ENTPD7: variants seen among roughly 807,000 people sequenced by gnomAD.
The protein encoded by ENTPD7 is ectonucleoside triphosphate diphosphohydrolase 7.
A neutral mutation model predicts 77.9 loss-of-function variants in ENTPD7; 53 were observed. That is an observed-to-expected ratio of 0.68 (90% CI 0.55 to 0.85). The LOEUF (loss-of-function observed/expected upper bound fraction) is 0.85. Ranked by LOEUF, ENTPD7 falls within the 40% of genes least tolerant of loss-of-function variation. The pLI is 0.00. For synonymous variants in ENTPD7, 248 were observed against 274.9 expected (o/e 0.90, Z 0.97); for missense variants, 636 against 743.7 (o/e 0.86, Z 1.68).
At chr10:99,701,177 G>A in intron 11 of ENTPD7, 119 bp downstream of exon 11, 2 of 956,214 alleles carry the variant, frequency 2.1e-6, no homozygotes, top group Non-Finnish European at 3.2e-6. Context: ...GATTATTCCA[G>A]ACTTGATTTT....
chr10:99,692,529 G>GAT (rs2035899939), intron 8 of ENTPD7, among the ~76,000 whole-genome samples: 1 of 50,682 alleles, frequency 2.0e-5, no homozygotes, highest in Admixed American at 2.6e-4. Flanking sequence ...ATGAGAGTAG[G>GAT]CTTTTTTTTT....
In ENTPD7 at chr10:99,659,843, T is replaced by C. The variant is rs2035454073; in HGVS notation, c.-95-19T>C. 4 of 1,492,558 alleles carry C rather than the reference T, an allele frequency of 2.7e-6. No individual in the cohort carries two copies. The highest frequency in any genetic ancestry group is 3.7e-6 in the Non-Finnish European group (4 of 1,085,890). The allele number at this position is 1,492,558 out of a possible 1,614,324, so 92.5% of individuals were successfully genotyped here. On this transcript the variant is annotated intron_variant, in intron 1 of 12. Coordinates refer to ENST00000370489, the MANE Select transcript of ENTPD7 (RefSeq NM_020354.5). This position sits in a 1 kb window ranked among gnomAD's most constrained non-coding sequence, Gnocchi z 4.1. ...TCGTGGGCTCAGTCGGACAGAAGCC[T>C]GAAATCAAATCTTTCTAGGCTGCAG...
chr10:99,678,527 ATAAT>A (rs1334548994), intron 3 of ENTPD7, among the ~76,000 whole-genome samples: 4 of 151,858 alleles, frequency 2.6e-5, no homozygotes, highest in African/African-American at 7.2e-5. Flanking sequence ...GTAGAAAAGA[ATAAT>A]TATTGTTTTT....
At chr10:99,678,405 G>A (rs959457139) in intron 3 of ENTPD7, among the ~76,000 whole-genome samples, 2 of 151,382 alleles carry the variant, frequency 1.3e-5, no homozygotes, top group African/African-American at 4.9e-5. Flanking sequence ...GAGGCGAAGC[G>A]TGCAGTGAGC....
intron 8 of ENTPD7, 137 bp from the exon 9 acceptor site, chr10:99,695,819 G>A: frequency 1.3e-6 from 1 of 746,432 alleles, no homozygotes; most frequent in East Asian, 2.9e-5. Flanking sequence ...TTAAAATAAT[G>A]CTATGAGGAT....
At chr10:99,691,123 A>C (rs548766249) in intron 7 of ENTPD7, among the ~76,000 whole-genome samples, 58 of 152,156 alleles carry the variant, frequency 3.8e-4, no homozygotes, top group Middle Eastern at 3.4e-3. Flanking sequence ...AGTAGCTGGG[A>C]CTACAGGTGT....
chr10:99,687,019 G>A (rs536083056), intron 6 of ENTPD7, among the ~76,000 whole-genome samples: 176 of 149,952 alleles, frequency 1.2e-3, no homozygotes, highest in Admixed American at 2.1e-3. Flanking sequence ...CTGGGTTCAA[G>A]CGATTCTCCT....
chr10:99,671,704 T>A (rs1310820717), intron 3 of ENTPD7, among the ~76,000 whole-genome samples: 1 of 152,278 alleles, frequency 6.6e-6, no homozygotes, highest in African/African-American at 2.4e-5. Flanking sequence ...TTCACATTCA[T>A]GTTTAATATT....
chr10:99,674,655 T>C (rs1428081253), intron 3 of ENTPD7, among the ~76,000 whole-genome samples: 1 of 152,262 alleles, frequency 6.6e-6, no homozygotes, highest in African/African-American at 2.4e-5. Flanking sequence ...CGGAATAATA[T>C]ATCATTGTAT....
intron 3 of ENTPD7, among the ~76,000 whole-genome samples, chr10:99,672,052 C>T (rs1435312191): frequency 2.0e-5 from 3 of 152,244 alleles, no homozygotes; most frequent in Non-Finnish European, 2.9e-5. Flanking sequence ...CATTTATTCA[C>T]GTTTATTTTA....
Position 99,679,888 on chromosome 10 carries a change from G to C in ENTPD7, c.548+13G>C, listed in dbSNP as rs375270704. On this transcript the variant is annotated intron_variant, in intron 5 of 12. Transcript: ENST00000370489. The stretch of plus-strand genomic sequence containing the variant: ...TTCTCCCTGAGAGGTGAGATGCAGG[G>C]TACAGGAAACACAGGAAAACGGTGG... 1 of 1,602,304 alleles carries C rather than the reference G, an allele frequency of 6.2e-7. No homozygotes were observed. Among genetic ancestry groups the C allele is most frequent in the Non-Finnish European group, 8.5e-7 (1 of 1,176,124 alleles).
chr10:99,678,397 G>A (rs1314329011), intron 3 of ENTPD7, among the ~76,000 whole-genome samples: 1 of 151,880 alleles, frequency 6.6e-6, no homozygotes, highest in Non-Finnish European at 1.5e-5. Flanking sequence ...GAACCTGGGA[G>A]GCGAAGCGTG....
At chr10:99,695,272 C>T (rs911787976) in intron 8 of ENTPD7, among the ~76,000 whole-genome samples, 6 of 152,234 alleles carry the variant, frequency 3.9e-5, no homozygotes, top group Middle Eastern at 6.8e-3. Context: ...CACCTGTAAT[C>T]CCAGCACTTT....
chr10:99,701,481 G>T (rs1050565242), intron 11 of ENTPD7, among the ~76,000 whole-genome samples: 1 of 151,590 alleles, frequency 6.6e-6, no homozygotes, highest in Non-Finnish European at 1.5e-5. Flanking sequence ...TAGAGACGGG[G>T]TTTCGCAATG....
In ENTPD7 at chr10:99,700,779, T is replaced by C. The variant is rs2036105065; in HGVS notation, c.1336-194T>C. On this transcript the variant is annotated intron_variant, in intron 10 of 12. Transcript: ENST00000370489. The stretch of plus-strand genomic sequence containing the variant: ...GCTCAGAAGCCACATCAAGCTGGCT[T>C]GGTGCTAGACATGGGATGACGGGAA... The C allele has an allele frequency of 6.5e-6, 4 of 619,394 alleles. No individual in the cohort carries two copies. The East Asian group carries it at 1.1e-4, about 17-fold the overall frequency. 38.4% of individuals were successfully genotyped at this position (619,394 alleles called of 1,614,324 possible).
intron 3 of ENTPD7, among the ~76,000 whole-genome samples, chr10:99,672,511 G>T (rs2035629727): frequency 6.6e-6 from 1 of 151,830 alleles, no homozygotes; most frequent in Non-Finnish European, 1.5e-5. Flanking sequence ...TCGCCATGTT[G>T]CTCAGGCTGG....
chr10:99,689,254 G>A (rs2035851113), intron 7 of ENTPD7, among the ~76,000 whole-genome samples: 1 of 152,080 alleles, frequency 6.6e-6, no homozygotes, highest in Non-Finnish European at 1.5e-5. Flanking sequence ...AGATTTTCCT[G>A]ATTTTCTCAA....
intron 3 of ENTPD7, among the ~76,000 whole-genome samples, chr10:99,667,571 A>G (rs2035565396): frequency 6.6e-6 from 1 of 152,258 alleles, no homozygotes; most frequent in Non-Finnish European, 1.5e-5. Context: ...GATATCACTA[A>G]GTTCATGTGC....
chr10:99,684,099 A>C (rs1190367224), intron 5 of ENTPD7, among the ~76,000 whole-genome samples: 1 of 152,220 alleles, frequency 6.6e-6, no homozygotes, highest in Non-Finnish European at 1.5e-5. Context: ...TCTATCGCCC[A>C]GGCTGGAGTG....
Sources: allele counts gnomAD v4.1 joint callset (sites outside exome capture counted in the v4.1 genomes callset), GRCh38; gene constraint gnomAD v4.1.1; non-coding constraint Gnocchi (gnomAD v3.1); transcripts MANE v1.5; gene names NCBI Gene and HGNC (gene_info 2026-07-23, HGNC 2026-07-21).